The following IGSF5 variants were observed in gnomAD, a reference collection of about 807,000 sequenced individuals.
IGSF5 encodes the protein immunoglobulin superfamily member 5.
Under a neutral mutation model 39.4 loss-of-function variants are expected in IGSF5, and 41 were observed. That is an observed-to-expected ratio of 1.04 (90% confidence interval 0.81 to 1.35). IGSF5 has a LOEUF of 1.35. Ranked by LOEUF, IGSF5 falls within the 40% of genes most tolerant of loss-of-function variation. The probability of loss-of-function intolerance (pLI) is 0.00; values close to 1 mark genes in which losing one functional copy is unlikely to be tolerated. For missense variants in IGSF5, 487 were observed against 494.6 expected (o/e 0.98, Z 0.15); for synonymous variants, 183 against 175.3 (o/e 1.04, Z -0.34).
chr21:39,770,347 A>G (rs997297604), intron 3 of IGSF5, among the ~76,000 whole-genome samples: 1 of 152,198 alleles, frequency 6.6e-6, no homozygotes. Context: ...TTAGATTGGA[A>G]TTCGATTTAA....
the IGSF5 span, among the ~76,000 whole-genome samples, chr21:39,734,302 AG>A: frequency 2.0e-5 from 3 of 151,824 alleles, no homozygotes; most frequent in East Asian, 5.8e-4. Context: ...ACGTACCTGT[AG>A]TCCCAGCTGC....
intron 6 of IGSF5, among the ~76,000 whole-genome samples, chr21:39,791,439 C>T (rs1418202593): frequency 6.6e-6 from 1 of 152,192 alleles, no homozygotes; most frequent in Non-Finnish European, 1.5e-5. Context: ...TGCCAGACTT[C>T]CTTCCAGCCT....
In IGSF5 at chr21:39,771,090, G is replaced by A. The variant is rs2080111797; in HGVS notation, c.593G>A (p.Ser198Asn). Reference protein sequence around the residue: ...YFVPEPSDLQSAVSILALTPQ... With the variant: ...YFVPEPSDLQNAVSILALTPQ... ...GTTCCGGAGCCCAGCGACCTTCAAA[G>A]TGCAGTGAGCATCCTGGCTCTGACC... is the stretch of plus-strand genomic sequence containing the variant. Residue 198 changes from serine (S) to asparagine (N), a missense_variant, in exon 4 of 9, where the codon AGT becomes AAT. Coordinates refer to ENST00000380588, the MANE Select transcript of IGSF5 (RefSeq NM_001080444.2). 1 of 1,613,718 alleles carries A rather than the reference G, an allele frequency of 6.2e-7. No individual in the cohort carries two copies. The highest frequency in any genetic ancestry group is 1.1e-5 in the South Asian group (1 of 90,930).
At chr21:39,735,344 C>T in the IGSF5 span, among the ~76,000 whole-genome samples, 1 of 152,052 alleles carries the variant, frequency 6.6e-6, no homozygotes, top group Non-Finnish European at 1.5e-5. Flanking sequence ...AAAAGTTAGT[C>T]ATTAAAAATT....
In IGSF5 at chr21:39,746,257, C is replaced by T; in HGVS notation, c.59C>T (p.Ser20Leu). Residue 20 changes from serine to leucine, a missense_variant, in exon 2 of 9, where the codon TCA becomes TTA. By Grantham distance (145) the Ser-to-Leu change is moderately radical. Coordinates refer to ENST00000380588, the MANE Select transcript of IGSF5 (RefSeq NM_001080444.2). The stretch of plus-strand genomic sequence containing the variant: ...CTGCCGGATCTGGAGGAATGGAAGT[C>T]AGCGGCGGGTCTGCGATGGTGGCAA... ...DTLPDLEEWK[S>L]AAGLRWWQTA... 1 of 701,694 alleles carries T rather than the reference C, an allele frequency of 1.4e-6. No individual in the cohort carries two copies. Among genetic ancestry groups the T allele is most frequent in the Non-Finnish European group, 2.6e-6 (1 of 384,738 alleles). 43.5% of individuals were successfully genotyped at this position (701,694 alleles called of 1,614,324 possible). A position where few individuals can be genotyped will look rare whatever the true frequency, so the allele number is the denominator to read the frequency against.
chr21:39,762,290 G>C (rs1274027366), intron 2 of IGSF5, among the ~76,000 whole-genome samples: 1 of 152,172 alleles, frequency 6.6e-6, no homozygotes, highest in Non-Finnish European at 1.5e-5. Flanking sequence ...AGTGCCCAAG[G>C]TGATCAGGAT....
At chr21:39,735,926 C>G in the IGSF5 span, among the ~76,000 whole-genome samples, 1 of 152,154 alleles carries the variant, frequency 6.6e-6, no homozygotes, top group East Asian at 1.9e-4. Flanking sequence ...CAATCTTCGC[C>G]CATTTCAACT....
upstream of IGSF5, among the ~76,000 whole-genome samples, chr21:39,742,972 A>G (rs1042626169): frequency 1.3e-5 from 2 of 152,200 alleles, no homozygotes; most frequent in African/African-American, 4.8e-5. Context: ...CCTTCACTAG[A>G]GTCAGGTGAC....
chr21:39,776,260 A>G (rs2080140140), intron 4 of IGSF5, among the ~76,000 whole-genome samples: 2 of 151,974 alleles, frequency 1.3e-5, no homozygotes, highest in Non-Finnish European at 2.9e-5. Context: ...GAAAATAAGA[A>G]AGGTCTATCT....
the IGSF5 span, among the ~76,000 whole-genome samples, chr21:39,734,624 T>C: frequency 2.6e-5 from 4 of 152,094 alleles, no homozygotes; most frequent in African/African-American, 9.7e-5. Flanking sequence ...TTTTCAGAAC[T>C]AATTCTAAGG....
chr21:39,783,757 C>T (rs1474642207), intron 5 of IGSF5, among the ~76,000 whole-genome samples: 4 of 151,930 alleles, frequency 2.6e-5, no homozygotes. Flanking sequence ...ATTTTTGTTG[C>T]CTGTGATTTT....
chr21:39,799,630 C>T (rs114650893), intron 8 of IGSF5, among the ~76,000 whole-genome samples: 334 of 151,968 alleles, frequency 2.2e-3, no homozygotes, highest in African/African-American at 7.9e-3. Context: ...TACCTCGTGT[C>T]CCTGCTCCAC....
intron 3 of IGSF5, among the ~76,000 whole-genome samples, chr21:39,770,530 T>C (rs1316075885): frequency 6.6e-6 from 1 of 152,182 alleles, no homozygotes; most frequent in African/African-American, 2.4e-5. Flanking sequence ...CTCGTTTCTC[T>C]TTTTCCCTTT....
the IGSF5 span, among the ~76,000 whole-genome samples, chr21:39,731,306 A>T: frequency 6.6e-6 from 1 of 152,256 alleles, no homozygotes; most frequent in African/African-American, 2.4e-5. Context: ...GTCTATTAAG[A>T]GGTCTAAGTC....
the IGSF5 span, among the ~76,000 whole-genome samples, chr21:39,724,453 G>T: frequency 0.064 from 9,762 of 152,194 alleles, 572 homozygotes; most frequent in East Asian, 0.23. Flanking sequence ...TTGAATCATG[G>T]GGGAGGTCTT....
At chr21:39,712,997 TCTTTCAGGGGCACC>T in the IGSF5 span, among the ~76,000 whole-genome samples, 1 of 152,210 alleles carries the variant, frequency 6.6e-6, no homozygotes, top group Admixed American at 6.5e-5. Flanking sequence ...CCTCATTACG[TCTTTCAGGGGCACC>T]CTGAATTATC....
At chr21:39,732,018 G>A in the IGSF5 span, among the ~76,000 whole-genome samples, 1 of 152,268 alleles carries the variant, frequency 6.6e-6, no homozygotes, top group South Asian at 2.1e-4. Context: ...GGAAGCCCAA[G>A]CAGCCCCACA....
chr21:39,780,884 T>G (rs1372999599), intron 5 of IGSF5, among the ~76,000 whole-genome samples: 1 of 152,246 alleles, frequency 6.6e-6, no homozygotes, highest in African/African-American at 2.4e-5. Flanking sequence ...GTTAAAAACT[T>G]CATGTACTCC....
chr21:39,790,963 T>C (rs1038193291), intron 6 of IGSF5, among the ~76,000 whole-genome samples: 1 of 152,262 alleles, frequency 6.6e-6, no homozygotes, highest in Non-Finnish European at 1.5e-5. Flanking sequence ...TGGGAGGATG[T>C]GTGTATGTTA....
Sources: allele counts gnomAD v4.1 joint callset (sites outside exome capture counted in the v4.1 genomes callset), GRCh38; gene constraint gnomAD v4.1.1; transcripts MANE v1.5; gene names NCBI Gene and HGNC (gene_info 2026-07-23, HGNC 2026-07-21).